The following PHACTR2 variants were observed in gnomAD, a reference collection of about 807,000 sequenced individuals.
The protein encoded by PHACTR2 is chromosome 6 open reading frame 56.
PHACTR2 carries 30 observed loss-of-function variants against 76.0 expected under a neutral mutation model. That is an observed-to-expected ratio of 0.39 (90% confidence interval 0.30 to 0.54). The LOEUF is 0.54. Ranked by LOEUF, PHACTR2 falls within the 20% of genes least tolerant of loss-of-function variation. The pLI, the probability that PHACTR2 is intolerant of heterozygous loss-of-function variation, is 0.61. For missense variants in PHACTR2, 696 were observed against 781.1 expected, an observed-to-expected ratio of 0.89 and a Z score of 1.30; for synonymous variants, 292 against 292.5, an observed-to-expected ratio of 1.00 and a Z score of 0.02.
intron 1 of PHACTR2, among the ~76,000 whole-genome samples, chr6:143,655,765 A>G (rs1169159401): frequency 3.3e-5 from 5 of 152,220 alleles, no homozygotes; most frequent in Non-Finnish European, 5.9e-5. Context: ...CTTTGCACCT[A>G]TTACCACATA....
rs1776631496 is a variant in PHACTR2 at position 143,830,092 on chromosome 6, C to G, written c.*6403C>G. 6.6e-6 allele frequency: 1 copy of G among 152,226 alleles called. No individual in the cohort carries two copies. The highest frequency in any genetic ancestry group is 2.4e-5 in the African/African-American group (1 of 41,554). The allele number at this position is 152,226 out of a possible 1,614,324, so 9.4% of individuals were successfully genotyped here. A position where few individuals can be genotyped will look rare whatever the true frequency, so the allele number is the denominator to read the frequency against. ...AAGTTGCCACTGCAGGGCTAACTCG[C>G]CTTCAGAAATAATCAGAATGATTCA... On this transcript the variant is annotated 3_prime_UTR_variant, in exon 13 of 13. Transcript: ENST00000440869.
rs754354729 is a variant in PHACTR2 at position 143,788,870 on chromosome 6, G to A, written c.1805G>A (p.Arg602Gln). 35 of 1,613,442 alleles carry A rather than the reference G, an allele frequency of 2.2e-5. No homozygotes were observed. Among genetic ancestry groups the A allele is most frequent in the Non-Finnish European group, 6.8e-6 (8 of 1,179,590 alleles). The change falls in exon 11 of 13, where the codon CGA becomes CAA. Residue 602 changes from arginine (R) to glutamine (Q), a missense_variant. By Grantham distance (43) the Arg-to-Gln change is conservative (BLOSUM62 1). Transcript: ENST00000440869. ...EVTDSPDYDR[R>Q]ADKPWARLTP... ...ACGGATTCTCCTGACTATGACCGCC[G>A]AGCAGACAAGCCCTGGGCCAGGTTA...
intron 11 of PHACTR2, among the ~76,000 whole-genome samples, chr6:143,804,765 A>G (rs1384954590): frequency 6.6e-6 from 1 of 152,186 alleles, no homozygotes; most frequent in East Asian, 1.9e-4. Flanking sequence ...ACTTTATCTT[A>G]TTCATGGTTA....
rs1226184009 is a variant in PHACTR2 at position 143,829,473 on chromosome 6, G to A, written c.*5784G>A. On this transcript the variant is annotated 3_prime_UTR_variant, in exon 13 of 13. Transcript: ENST00000440869. ...TTCCCCTGTATAAATGTAGTCATGCGATTCAACTTTTCTAATAAGATTTGT... is the reference window on the plus strand; with the variant it reads ...TTCCCCTGTATAAATGTAGTCATGCAATTCAACTTTTCTAATAAGATTTGT... The A allele has an allele frequency of 2.0e-5, 3 of 152,084 alleles. No individual in the cohort carries two copies. The highest frequency in any genetic ancestry group is 2.9e-5 in the Non-Finnish European group (2 of 68,014). The allele number at this position is 152,084 out of a possible 1,614,324, so 9.4% of individuals were successfully genotyped here. A position where few individuals can be genotyped will look rare whatever the true frequency, so the allele number is the denominator to read the frequency against.
Position 143,825,402 on chromosome 6 carries a change from A to G in PHACTR2, c.*1713A>G, listed in dbSNP as rs1562321482. 6.6e-6 allele frequency: 1 copy of G among 152,248 alleles called. No homozygotes were observed. Among genetic ancestry groups the G allele is most frequent in the Non-Finnish European group, 1.5e-5 (1 of 68,038 alleles). The allele number at this position is 152,248 out of a possible 1,614,324, so 9.4% of individuals were successfully genotyped here. ...TGGCCTACTATAAAAAGCCAGGACC[A>G]TGTTAGAATTAGGAAAAGTAACCAG... On this transcript the variant is annotated 3_prime_UTR_variant, in exon 13 of 13. Transcript: ENST00000440869. This position sits in a 1 kb window ranked among gnomAD's most constrained non-coding sequence, Gnocchi z 4.1.
rs562557736 is a variant in PHACTR2, at chr6:143,783,405, C to A, written c.1707+125C>A. ...ATAATTATTCCTATTAGTCTATAAT[C>A]ATAGACATCAAAATCACAAGCCTGG... On this transcript the variant is annotated intron_variant, in intron 10 of 12. Coordinates refer to ENST00000440869, the MANE Select transcript of PHACTR2 (RefSeq NM_001100164.2). This position sits in a 1 kb window ranked among gnomAD's most constrained non-coding sequence, Gnocchi z 5.2. The A allele has an allele frequency of 2.2e-5, 12 of 551,432 alleles. No individual in the cohort carries two copies. The African/African-American group carries it at 2.3e-4, about 11-fold the overall frequency. The allele number at this position is 551,432 out of a possible 1,614,324, so 34.2% of individuals were successfully genotyped here. A position where few individuals can be genotyped will look rare whatever the true frequency, so the allele number is the denominator to read the frequency against.
chr6:143,711,947 C>T (rs1293104052), intron 1 of PHACTR2, 69 bp from the exon 2 acceptor site: 16 of 1,333,492 alleles, frequency 1.2e-5, no homozygotes, highest in African/African-American at 4.3e-5. Context: ...GCCCAGGGAC[C>T]AATTGATGAT....
intron 1 of PHACTR2, among the ~76,000 whole-genome samples, chr6:143,642,866 A>G (rs1417097930): frequency 2.6e-5 from 4 of 152,182 alleles, no homozygotes. Flanking sequence ...CTTCTAGTCT[A>G]TGGCACTGTG....
rs1239277921 is a variant in PHACTR2 at position 143,679,406 on chromosome 6, G to A, written c.46+1197G>A. Among the ~76,000 whole-genome samples the A allele has an allele frequency of 6.6e-6, 1 of 152,136 alleles. No homozygotes were observed. The highest frequency in any genetic ancestry group is 1.5e-5 in the Non-Finnish European group (1 of 68,016). ...TGAAATCAAAGACCTCATGTTGACA[G>A]CTTTTTGAGAGATATTTGCGGGGAG... On this transcript the variant is annotated intron_variant, in intron 1 of 12. Transcript: ENST00000440869. This position sits in a 1 kb window ranked among gnomAD's most constrained non-coding sequence, Gnocchi z 4.6.
In PHACTR2 at chr6:143,672,610, G is replaced by A. The variant is rs1017501967; in HGVS notation, c.14-39406G>A. 2.0e-5 allele frequency among the ~76,000 whole-genome samples: 3 copies of A among 152,194 alleles called. No individual in the cohort carries two copies. Among genetic ancestry groups the A allele is most frequent in the Admixed American group, 6.5e-5 (1 of 15,286 alleles). ...CTTCAGAATGAATGAGCACCTCTGT[G>A]TGGCAAAAATGTGGATTTAGTAATT... On this transcript the variant is annotated intron_variant, in intron 1 of 11. Transcript: ENST00000305766. The surrounding 1 kb of genome is among the most constrained non-coding windows in gnomAD (Gnocchi z 5.8).
rs1450899178 is a variant in PHACTR2 at position 143,571,992 on chromosome 6, C to T, written c.217+34785C>T. 6.6e-6 allele frequency among the ~76,000 whole-genome samples: 1 copy of T among 152,186 alleles called. No homozygotes were observed. Among genetic ancestry groups the T allele is most frequent in the African/African-American group, 2.4e-5 (1 of 41,428 alleles). On this transcript the variant is annotated intron_variant, in intron 1 of 11. Coordinates refer to the PHACTR2 transcript ENST00000367584. This position sits in a 1 kb window ranked among gnomAD's most constrained non-coding sequence, Gnocchi z 4.6. ...TGAAACACTGGTCCCAAAAACATGT[C>T]AGATTATGAGGAGCATAGCCTATTT...
In PHACTR2 at chr6:143,777,938, C is replaced by T. The variant is rs62427427; in HGVS notation, c.1645+555C>T. ...TCCATTCATTTTCCTACTTTATTTT[C>T]CCATTCTGTTTTTCCCTCTGTTCTC... On this transcript the variant is annotated intron_variant, in intron 9 of 12. Coordinates refer to ENST00000440869, the MANE Select transcript of PHACTR2 (RefSeq NM_001100164.2). The surrounding 1 kb of genome is among the most constrained non-coding windows in gnomAD (Gnocchi z 4.6). Among the ~76,000 whole-genome samples, 332 of 152,270 alleles carry T rather than the reference C, an allele frequency of 2.2e-3. 2 individuals are homozygous for T. Among genetic ancestry groups the T allele is most frequent in the Admixed American group, 4.1e-3 (63 of 15,294 alleles).
chr6:143,680,524 C>T lies in PHACTR2; in HGVS notation c.46+2315C>T, dbSNP rs1382893531. Reference sequence around the variant, plus strand: ...TAGGCTAGAAGTTAGCTTGCTTTCCCCGTTTTGACTTTAGGCTCTCTAGAG... The same window carrying T: ...TAGGCTAGAAGTTAGCTTGCTTTCCTCGTTTTGACTTTAGGCTCTCTAGAG... On this transcript the variant is annotated intron_variant, in intron 1 of 12. Coordinates refer to ENST00000440869, the MANE Select transcript of PHACTR2 (RefSeq NM_001100164.2). This position sits in a 1 kb window ranked among gnomAD's most constrained non-coding sequence, Gnocchi z 4.5. Among the ~76,000 whole-genome samples, 1 of 152,146 alleles carries T rather than the reference C, an allele frequency of 6.6e-6. No homozygotes were observed. The highest frequency in any genetic ancestry group is 2.4e-5 in the African/African-American group (1 of 41,424).
chr6:143,728,200 C>CTTTTTTTTTTCTT (rs1778618287), intron 2 of PHACTR2, among the ~76,000 whole-genome samples: 7 of 131,382 alleles, frequency 5.3e-5, no homozygotes, highest in African/African-American at 1.4e-4. Flanking sequence ...TCTTTCTTTC[C>CTTTTTTTTTTCTT]TTTTTTTTTT....
chr6:143,690,100 T>G (rs1188113641), intron 1 of PHACTR2, among the ~76,000 whole-genome samples: 1 of 152,272 alleles, frequency 6.6e-6, no homozygotes, highest in African/African-American at 2.4e-5. Context: ...TCTTTTTCTC[T>G]CCTGCATACC....
At position 143,733,028 on chromosome 6, in the gene PHACTR2, C is replaced by T. The variant is rs1267770277; in HGVS notation, c.215-15957C>T. ...CCTCAGCCTCCCAAGTTGCTAGGAC[C>T]AAAGGCATGCACCACAACACCCAAC... On this transcript the variant is annotated intron_variant, in intron 2 of 12. Coordinates refer to ENST00000440869, the MANE Select transcript of PHACTR2 (RefSeq NM_001100164.2). The surrounding 1 kb of genome is among the most constrained non-coding windows in gnomAD (Gnocchi z 4.0). Among the ~76,000 whole-genome samples, 1 of 151,912 alleles carries T rather than the reference C, an allele frequency of 6.6e-6. No homozygotes were observed. The highest frequency in any genetic ancestry group is 1.5e-5 in the Non-Finnish European group (1 of 67,974).
chr6:143,677,476 G>A (rs1443939903), upstream of PHACTR2, among the ~76,000 whole-genome samples: 1 of 152,056 alleles, frequency 6.6e-6, no homozygotes, highest in Non-Finnish European at 1.5e-5. Context: ...ACAGCAAAAA[G>A]TATATTTTGT....
intron 1 of PHACTR2, among the ~76,000 whole-genome samples, chr6:143,628,350 C>A (rs1776295933): frequency 6.6e-6 from 1 of 152,192 alleles, no homozygotes; most frequent in African/African-American, 2.4e-5. Context: ...TATTACCTGA[C>A]AGTTCTGGAA....
intron 1 of PHACTR2, among the ~76,000 whole-genome samples, chr6:143,551,839 G>A (rs1775099571): frequency 6.6e-6 from 1 of 152,170 alleles, no homozygotes; most frequent in Non-Finnish European, 1.5e-5. Context: ...ATGGGGGGAG[G>A]CTAAGCTCTA....
Sources: allele counts gnomAD v4.1 joint callset (sites outside exome capture counted in the v4.1 genomes callset), GRCh38; gene constraint gnomAD v4.1.1; non-coding constraint Gnocchi (gnomAD v3.1); transcripts MANE v1.5; gene names NCBI Gene and HGNC (gene_info 2026-07-23, HGNC 2026-07-21).